The following RAB38 variants were observed in gnomAD, a reference collection of about 807,000 sequenced individuals.
RAB38 encodes the protein RAB38, member RAS oncogene family, also known as ras-related protein Rab-38.
RAB38 carries 15 observed loss-of-function variants against 18.4 expected under a neutral mutation model. That is an observed-to-expected ratio of 0.82 (90% CI 0.55 to 1.26). The LOEUF (loss-of-function observed/expected upper bound fraction) is 1.26, where lower values mean the gene tolerates loss of function less well. Among genes scored for constraint, RAB38 ranks in the 50% most tolerant of loss-of-function variants. The pLI, the probability that RAB38 is intolerant of heterozygous loss-of-function variation, is 0.00. For missense variants in RAB38, 294 were observed against 267.4 expected (o/e 1.10, Z -0.69); for synonymous variants, 101 against 104.4 (o/e 0.97, Z 0.20).
At chr11:87,944,340 T>G in the RAB38 span, among the ~76,000 whole-genome samples, 1 of 152,028 alleles carries the variant, frequency 6.6e-6, no homozygotes, top group Admixed American at 6.6e-5. Context: ...ATGAAGCACG[T>G]TTGTATTTGG....
At chr11:87,822,592 C>T in the RAB38 span, among the ~76,000 whole-genome samples, 7 of 152,316 alleles carry the variant, frequency 4.6e-5, no homozygotes, top group East Asian at 7.7e-4. Flanking sequence ...TCTCACAGTG[C>T]TATCTTACCA....
intron 2 of RAB38, among the ~76,000 whole-genome samples, chr11:88,114,964 A>C (rs893488879): frequency 1.3e-5 from 2 of 152,246 alleles, no homozygotes; most frequent in Non-Finnish European, 2.9e-5. Flanking sequence ...CTCCTCAAGG[A>C]AAAAAGTAAA....
the RAB38 span, chr11:87,816,341 T>C: frequency 6.6e-6 from 1 of 152,652 alleles, no homozygotes; most frequent in Non-Finnish European, 1.5e-5. Context: ...GGTTGTGGTA[T>C]TGTGTTAAAT....
At chr11:87,972,203 C>T in the RAB38 span, among the ~76,000 whole-genome samples, 1 of 152,048 alleles carries the variant, frequency 6.6e-6, no homozygotes, top group Non-Finnish European at 1.5e-5. Flanking sequence ...CCCCACACTT[C>T]AGGACGCCTT....
chr11:88,150,445 T>A (rs1337656747), intron 1 of RAB38, among the ~76,000 whole-genome samples: 3 of 152,148 alleles, frequency 2.0e-5, no homozygotes, highest in Non-Finnish European at 2.9e-5. Flanking sequence ...GATTAAAACA[T>A]AACCATCCCT....
At chr11:87,901,924 CTTTTT>C in the RAB38 span, among the ~76,000 whole-genome samples, 1 of 143,500 alleles carries the variant, frequency 7.0e-6, no homozygotes, top group Non-Finnish European at 1.5e-5. Context: ...GTTTGGCTGA[CTTTTT>C]TTTTTTTTTT....
At chr11:87,956,314 T>TACACAGAGCATAACACTAGAATC in the RAB38 span, among the ~76,000 whole-genome samples, 1 of 152,166 alleles carries the variant, frequency 6.6e-6, no homozygotes, top group African/African-American at 2.4e-5. Context: ...ATTATAAAAT[T>TACACAGAGCATAACACTAGAATC]ACACAGAGCA....
chr11:88,022,616 A>AAAAAAAC, the RAB38 span, among the ~76,000 whole-genome samples: 142 of 149,016 alleles, frequency 9.5e-4, no homozygotes, highest in South Asian at 2.5e-3. Flanking sequence ...CCCCACAAAA[A>AAAAAAAC]AAAAAAAAAA....
chr11:87,856,486 A>T, the RAB38 span, among the ~76,000 whole-genome samples: 1 of 152,208 alleles, frequency 6.6e-6, no homozygotes, highest in Admixed American at 6.6e-5. Flanking sequence ...TCCTTATTGC[A>T]GCAACCAACC....
At chr11:87,806,057 TA>T in the RAB38 span, among the ~76,000 whole-genome samples, 1 of 152,202 alleles carries the variant, frequency 6.6e-6, no homozygotes, top group Admixed American at 6.5e-5. Flanking sequence ...TACTGTAGCC[TA>T]GTCAGGTTGA....
intron 2 of RAB38, among the ~76,000 whole-genome samples, chr11:88,129,163 C>A (rs574090910): frequency 4.6e-5 from 7 of 152,040 alleles, no homozygotes; most frequent in Admixed American, 3.9e-4. Context: ...CACCTGAGTA[C>A]CTTAACATAT....
At chr11:87,928,474 A>C in the RAB38 span, among the ~76,000 whole-genome samples, 1 of 152,064 alleles carries the variant, frequency 6.6e-6, no homozygotes, top group Non-Finnish European at 1.5e-5. Context: ...CATAACTATT[A>C]AAGATATCTT....
the RAB38 span, among the ~76,000 whole-genome samples, chr11:87,843,894 A>G: frequency 6.6e-6 from 1 of 152,200 alleles, no homozygotes; most frequent in African/African-American, 2.4e-5. Flanking sequence ...TCAATTTGTT[A>G]TAAGTGACTC....
intron 1 of RAB38, among the ~76,000 whole-genome samples, chr11:88,155,020 C>G (rs1943108365): frequency 6.6e-6 from 1 of 152,224 alleles, no homozygotes; most frequent in African/African-American, 2.4e-5. Flanking sequence ...AGCACTTACT[C>G]TCTTGGATTA....
At chr11:88,082,354 T>C in the RAB38 span, among the ~76,000 whole-genome samples, 1 of 151,754 alleles carries the variant, frequency 6.6e-6, no homozygotes, top group East Asian at 1.9e-4. Flanking sequence ...ATTCAGGACA[T>C]GCAAAGCCAA....
At chr11:88,135,276 C>T (rs192499616) in intron 2 of RAB38, among the ~76,000 whole-genome samples, 122 of 152,230 alleles carry the variant, frequency 8.0e-4, no homozygotes, top group African/African-American at 2.8e-3. Flanking sequence ...CTATATATTA[C>T]GTTTATTTAC....
At chr11:88,112,906 C>T (rs533663383), downstream of RAB38, among the ~76,000 whole-genome samples, 1 of 152,228 alleles carries the variant, frequency 6.6e-6, no homozygotes, top group East Asian at 1.9e-4. Flanking sequence ...ACCACAACCA[C>T]TGTGTAAACC....
the RAB38 span, among the ~76,000 whole-genome samples, chr11:87,875,249 C>T: frequency 1.3e-5 from 2 of 151,292 alleles, no homozygotes; most frequent in South Asian, 2.1e-4. Flanking sequence ...ACATTATATA[C>T]ATATATACAA....
At chr11:87,832,190 A>G in the RAB38 span, among the ~76,000 whole-genome samples, 1 of 152,200 alleles carries the variant, frequency 6.6e-6, no homozygotes, top group African/African-American at 2.4e-5. Flanking sequence ...GAATGGTGAA[A>G]TAAACAGACA....
Sources: allele counts gnomAD v4.1 joint callset (sites outside exome capture counted in the v4.1 genomes callset), GRCh38; gene constraint gnomAD v4.1.1; transcripts MANE v1.5; gene names NCBI Gene and HGNC (gene_info 2026-07-23, HGNC 2026-07-21).